Variants in DNAH5 observed in about 807,000 individuals in gnomAD.
The protein encoded by DNAH5 is axonemal beta dynein heavy chain 5.
A neutral mutation model predicts 518.2 loss-of-function variants in DNAH5; 372 were observed. That is an observed-to-expected ratio of 0.72 (90% confidence interval 0.66 to 0.78). DNAH5 has a LOEUF of 0.78. Among genes scored for constraint, DNAH5 ranks in the 30% least tolerant of loss-of-function variants. The pLI is 0.00. For synonymous variants in DNAH5, 2,039 were observed against 2,025.9 expected, an observed-to-expected ratio of 1.01 and a Z score of -0.17; for missense variants, 5,523 against 5,687.0, an observed-to-expected ratio of 0.97 and a Z score of 0.93.
At chr5:13,925,052 C>T (rs1273300042) in intron 3 of DNAH5, among the ~76,000 whole-genome samples, 2 of 152,126 alleles carry the variant, frequency 1.3e-5, no homozygotes, top group African/African-American at 4.8e-5. Flanking sequence ...TTGGAGTAAT[C>T]CTCCCTCAGG....
At chr5:13,965,242 T>G (rs771194568) in intron 1 of DNAH5, among the ~76,000 whole-genome samples, 1 of 152,198 alleles carries the variant, frequency 6.6e-6, no homozygotes, top group Non-Finnish European at 1.5e-5. Context: ...AAAAATGATA[T>G]GTAAGTCAAC....
Position 13,830,047 on chromosome 5 carries a change from T to C in DNAH5, c.6228A>G (p.Glu2076=). The C allele has an allele frequency of 6.2e-7, 1 of 1,614,018 alleles. No individual in the cohort carries two copies. The change falls in exon 37 of 79, where the codon GAA becomes GAG. Residue 2076 remains glutamate (E), a synonymous_variant. Coordinates refer to ENST00000265104, the MANE Select transcript of DNAH5 (RefSeq NM_001369.3). The part of the protein sequence containing the change: ...TDGDNVTMNP[E]FGLFLTMNPG... ...TTACCATGGTTAAGAAAAGCCCAAA[T>C]TCAGGGTTCATAGTCACATTATCTC... is the stretch of plus-strand genomic sequence containing the variant.
chr5:13,784,346 A>G (rs1372735617), intron 52 of DNAH5, among the ~76,000 whole-genome samples: 1 of 152,210 alleles, frequency 6.6e-6, no homozygotes, highest in Non-Finnish European at 1.5e-5. Context: ...ATAAATTAAG[A>G]GCGAATTTCA....
intron 40 of DNAH5, among the ~76,000 whole-genome samples, chr5:13,822,630 A>G (rs535622446): frequency 6.6e-6 from 1 of 152,218 alleles, no homozygotes; most frequent in Non-Finnish European, 1.5e-5. Context: ...CTTCTATAAA[A>G]CATTTTTTTC....
upstream of DNAH5, among the ~76,000 whole-genome samples, chr5:13,949,345 A>T (rs1780186930): frequency 6.6e-6 from 1 of 152,198 alleles, no homozygotes; most frequent in Non-Finnish European, 1.5e-5. Context: ...AAAAGAAAAA[A>T]CTCATAATAA....
At chr5:13,966,200 GGT>G (rs1185939078) in intron 1 of DNAH5, among the ~76,000 whole-genome samples, 14 of 145,226 alleles carry the variant, frequency 9.6e-5, no homozygotes, top group Non-Finnish European at 1.5e-4. Flanking sequence ...AGTATTCCAT[GGT>G]GTGTGTGTGT....
chr5:13,701,466 G>C (rs777240683), intron 76 of DNAH5, 30 bp from the exon 77 acceptor site: 6 of 1,589,074 alleles, frequency 3.8e-6, no homozygotes, highest in Non-Finnish European at 5.2e-6. Flanking sequence ...ACAATTAATT[G>C]ATGTAAGTTT....
chr5:13,990,539 C>A (rs375442852), intron 1 of DNAH5, among the ~76,000 whole-genome samples: 6 of 144,860 alleles, frequency 4.1e-5, no homozygotes, highest in African/African-American at 1.6e-4. Context: ...GGCGACAGAG[C>A]GAGACTCCAT....
rs573476401 is a variant in DNAH5 at position 13,770,764 on chromosome 5, C to T, written c.9590G>A (p.Arg3197Gln). The T allele has an allele frequency of 2.2e-4, 362 of 1,613,952 alleles. 4 individuals are homozygous for T. The South Asian group carries it at 3.3e-3, about 15-fold the overall frequency. Residue 3197 changes from arginine to glutamine, a missense_variant, in exon 56 of 79, where the codon CGG becomes CAG. Arg to Gln is a conservative substitution (Grantham distance 43). This residue lies in a region of DNAH5 where 5,121 missense variants were observed against 5,223.3 expected (regional missense o/e 0.98). Coordinates refer to ENST00000265104, the MANE Select transcript of DNAH5 (RefSeq NM_001369.3). ...FIYGEKHVEVRTLANRMNTGL... is the reference protein window; with the variant it reads ...FIYGEKHVEVQTLANRMNTGL... ...TCACACTTACCTGTTGGCCAGGGTC[C>T]GCACCTCCACATGCTTTTCTCCATA...
At chr5:13,834,539 A>G (rs1311493511) in intron 35 of DNAH5, among the ~76,000 whole-genome samples, 1 of 152,204 alleles carries the variant, frequency 6.6e-6, no homozygotes, top group East Asian at 1.9e-4. Context: ...GTGACAGAAC[A>G]ATTCTAGCAA....
intron 5 of DNAH5, among the ~76,000 whole-genome samples, chr5:13,921,768 A>T (rs1405613492): frequency 7.9e-6 from 1 of 126,682 alleles, no homozygotes; most frequent in African/African-American, 2.8e-5. Context: ...ACACACACAC[A>T]CACTTCAGTT....
rs530635618 is a variant in DNAH5, at chr5:13,826,369, T to C, written c.6445-2036A>G. On this transcript the variant is annotated intron_variant, in intron 38 of 78. Coordinates refer to ENST00000265104, the MANE Select transcript of DNAH5 (RefSeq NM_001369.3). Reference sequence around the variant, plus strand: ...ATATTTATTTGAAAGATAAGTGATATGGTTTGGCTGTGTCCCCACCCAAAT... The same window carrying C: ...ATATTTATTTGAAAGATAAGTGATACGGTTTGGCTGTGTCCCCACCCAAAT... 2.0e-4 allele frequency among the ~76,000 whole-genome samples: 30 copies of C among 152,290 alleles called. No individual in the cohort carries two copies. The South Asian group carries it at 6.2e-3, about 32-fold the overall frequency.
chr5:13,827,609 C>T (rs1006753781), intron 38 of DNAH5, among the ~76,000 whole-genome samples: 1 of 150,768 alleles, frequency 6.6e-6, no homozygotes, highest in Non-Finnish European at 1.5e-5. Flanking sequence ...TGAGTTAATG[C>T]TGGAATGAGT....
intron 47 of DNAH5, among the ~76,000 whole-genome samples, 177 bp from the exon 48 acceptor site, chr5:13,794,235 T>C (rs1757483209): frequency 6.6e-6 from 1 of 152,234 alleles, no homozygotes; most frequent in South Asian, 2.1e-4. Context: ...TTGTATAACA[T>C]TCACAAAATT....
At chr5:13,953,074 A>G (rs1780536512) in intron 1 of DNAH5, among the ~76,000 whole-genome samples, 1 of 152,220 alleles carries the variant, frequency 6.6e-6, no homozygotes, top group African/African-American at 2.4e-5. Flanking sequence ...TATTTTAGAG[A>G]CCAAACATAA....
At chr5:13,771,966 C>T (rs1753402345) in intron 55 of DNAH5, among the ~76,000 whole-genome samples, 2 of 152,118 alleles carry the variant, frequency 1.3e-5, no homozygotes, top group South Asian at 2.1e-4. Flanking sequence ...GCTGTATTTA[C>T]ATTTATGTAA....
intron 52 of DNAH5, among the ~76,000 whole-genome samples, chr5:13,783,935 T>C (rs957152301): frequency 6.6e-6 from 1 of 152,134 alleles, no homozygotes; most frequent in Non-Finnish European, 1.5e-5. Context: ...AAAACTCTAG[T>C]CACGGATTCT....
chr5:13,763,347 A>G (rs564097845), intron 59 of DNAH5, among the ~76,000 whole-genome samples: 3 of 152,340 alleles, frequency 2.0e-5, no homozygotes, highest in South Asian at 2.1e-4. Context: ...CAGCAACTAA[A>G]CGCTTAATAC....
chr5:13,949,504 G>C (rs1478008720), upstream of DNAH5, among the ~76,000 whole-genome samples: 2 of 152,054 alleles, frequency 1.3e-5, no homozygotes, highest in East Asian at 3.9e-4. Flanking sequence ...AATTATACAG[G>C]GTAATCTTGA....
Sources: gnomAD v4.1 joint callset for allele counts (sites outside exome capture counted in the v4.1 genomes callset) on GRCh38, gnomAD v4.1.1 for gene constraint, gnomAD v4.1.1 regional missense constraint, MANE v1.5 for transcripts, NCBI Gene and HGNC (gene_info 2026-07-23, HGNC 2026-07-21) for gene names.